The following PLXDC1 variants were observed in gnomAD, a reference collection of about 807,000 sequenced individuals.
The protein encoded by PLXDC1 is plexin domain containing 1, also known as plexin domain-containing protein 1.
PLXDC1 carries 39 observed loss-of-function variants against 61.3 expected under a neutral mutation model. That is an observed-to-expected ratio of 0.64 (90% confidence interval 0.49 to 0.83). The LOEUF (loss-of-function observed/expected upper bound fraction) is 0.83. Among genes scored for constraint, PLXDC1 ranks in the 40% least tolerant of loss-of-function variants. PLXDC1 has a pLI of 0.00. For missense variants in PLXDC1, 596 were observed against 666.5 expected (o/e 0.89, Z 1.17); for synonymous variants, 212 against 254.5 (o/e 0.83, Z 1.59).
chr17:39,118,157 CCTTT>C (rs72228511), intron 2 of PLXDC1, among the ~76,000 whole-genome samples: 11,803 of 142,480 alleles, frequency 0.083, 502 homozygotes, highest in East Asian at 0.13. Context: ...TCTCTTCCTT[CCTTT>C]CTCTTTCTTT....
At chr17:39,108,435 A>C in intron 4 of PLXDC1, 190 bp from the exon 5 acceptor site, 1 of 609,762 alleles carries the variant, frequency 1.6e-6, no homozygotes, top group Non-Finnish European at 2.9e-6. Flanking sequence ...AGATAGGAGA[A>C]GGTCCTCCCT....
intron 2 of PLXDC1, among the ~76,000 whole-genome samples, chr17:39,126,202 C>T (rs763285719): frequency 8.6e-5 from 13 of 152,014 alleles, no homozygotes; most frequent in Non-Finnish European, 1.8e-4. Flanking sequence ...TGCAATGAGC[C>T]AAGATCGCAC....
At position 39,069,919 on chromosome 17, in the gene PLXDC1, G is replaced by A. The variant is rs201593893; in HGVS notation, c.1320C>T (p.Ile440=). 19 of 1,613,732 alleles carry A rather than the reference G, an allele frequency of 1.2e-5. No homozygotes were observed. Among genetic ancestry groups the A allele is most frequent in the Non-Finnish European group, 1.5e-5 (18 of 1,179,632 alleles). ...IVLAVLLVAA[I]ILAGIYINGH... ...CATTGATGTAAATTCCAGCCAGGAT[G>A]ATGGCCGCCACGAGGAGGACTGCCA... Residue 440 remains isoleucine (I), a synonymous_variant, in exon 13 of 14, where the codon ATC becomes ATT. Coordinates refer to ENST00000315392, the MANE Select transcript of PLXDC1 (RefSeq NM_020405.5).
chr17:39,143,283 C>A (rs909339879), intron 1 of PLXDC1, among the ~76,000 whole-genome samples: 1 of 152,194 alleles, frequency 6.6e-6, no homozygotes, highest in African/African-American at 2.4e-5. Context: ...ATAGGTGGAT[C>A]TGACATTCCC....
At chr17:39,119,372 C>T (rs1463297704) in intron 2 of PLXDC1, among the ~76,000 whole-genome samples, 1 of 152,178 alleles carries the variant, frequency 6.6e-6, no homozygotes, top group Non-Finnish European at 1.5e-5. Flanking sequence ...GCAAATTACC[C>T]TGATCTGATC....
At chr17:39,081,270 T>C (rs1025505345) in intron 9 of PLXDC1, 6 of 152,464 alleles carry the variant, frequency 3.9e-5, no homozygotes, top group African/African-American at 1.4e-4. Context: ...TCCTACATAT[T>C]CTTTCTGAGG....
rs949184847 is a variant in PLXDC1 at position 39,068,164 on chromosome 17, C to T, written c.1384-205G>A. Among the ~76,000 whole-genome samples the T allele has an allele frequency of 6.6e-5, 10 of 152,190 alleles. No homozygotes were observed. Among genetic ancestry groups the T allele is most frequent in the African/African-American group, 2.4e-4 (10 of 41,446 alleles). ...ATCCCCCAACCACTGGGAAACCTGCCGAAAGCTAGAGTGTGGAAGGAGGAC... is the reference window on the plus strand; with the variant it reads ...ATCCCCCAACCACTGGGAAACCTGCTGAAAGCTAGAGTGTGGAAGGAGGAC... On this transcript the variant is annotated intron_variant, in intron 13 of 13. Transcript: ENST00000315392.
Position 39,108,235 on chromosome 17 carries a change from G to A in PLXDC1, c.480C>T (p.Phe160=), listed in dbSNP as rs932579162. 1.2e-6 allele frequency: 2 copies of A among 1,613,940 alleles called. No homozygotes were observed. The highest frequency in any genetic ancestry group is 1.7e-6 in the Non-Finnish European group (2 of 1,180,028). ...GCATCCGATGGATCACGTCCCCCAT[G>A]AAGATGAAGCCTAGGGTGGGAGAGG... ...QITIATGGFI[F]MGDVIHRMLT... The change falls in exon 5 of 14, where the codon TTC becomes TTT. Residue 160 remains phenylalanine, a synonymous_variant. Coordinates refer to ENST00000315392, the MANE Select transcript of PLXDC1 (RefSeq NM_020405.5).
chr17:39,130,854 A>G (rs931680317), intron 2 of PLXDC1, among the ~76,000 whole-genome samples: 1 of 151,986 alleles, frequency 6.6e-6, no homozygotes, highest in African/African-American at 2.4e-5. Flanking sequence ...GAGCCACCGC[A>G]CCCAGCCTAA....
intron 2 of PLXDC1, chr17:39,126,840 T>C (rs537623653): frequency 1.3e-5 from 2 of 152,258 alleles, no homozygotes; most frequent in East Asian, 3.9e-4. Context: ...CATTTATTTT[T>C]TTCTCATCAA....
intron 2 of PLXDC1, among the ~76,000 whole-genome samples, chr17:39,123,592 T>C (rs1911230563): frequency 6.6e-6 from 1 of 152,162 alleles, no homozygotes; most frequent in African/African-American, 2.4e-5. Flanking sequence ...ATTTGAGAAG[T>C]GGGAGCTATT....
At chr17:39,152,732 CTG>C, upstream of PLXDC1, 1 of 1,198,856 alleles carries the variant, frequency 8.3e-7, no homozygotes, top group Admixed American at 4.3e-5. Flanking sequence ...AGAAGGTACA[CTG>C]TGGGCTGGAA....
At chr17:39,104,973 C>T (rs1598198557) in intron 7 of PLXDC1, among the ~76,000 whole-genome samples, 1 of 152,184 alleles carries the variant, frequency 6.6e-6, no homozygotes. Flanking sequence ...CACAGAACGG[C>T]GGTACCTTGC....
intron 2 of PLXDC1, among the ~76,000 whole-genome samples, chr17:39,135,987 C>G (rs146592596): frequency 6.7e-4 from 102 of 152,306 alleles, no homozygotes; most frequent in African/African-American, 2.4e-3. Flanking sequence ...CTGAAAGGTC[C>G]TCTTTGTGCA....
intron 1 of PLXDC1, among the ~76,000 whole-genome samples, chr17:39,141,505 G>A (rs1161232789): frequency 1.3e-5 from 2 of 152,138 alleles, no homozygotes; most frequent in Admixed American, 6.6e-5. Flanking sequence ...CCATTGTGTG[G>A]ATATACCACA....
chr17:39,073,551 C>A (rs145380988), intron 11 of PLXDC1, among the ~76,000 whole-genome samples: 1 of 152,242 alleles, frequency 6.6e-6, no homozygotes, highest in Non-Finnish European at 1.5e-5. Context: ...GCCAGTCCCT[C>A]CCAGAGTGAC....
chr17:39,129,521 G>A (rs1332859727), intron 2 of PLXDC1, among the ~76,000 whole-genome samples: 2 of 151,448 alleles, frequency 1.3e-5, no homozygotes, highest in East Asian at 3.9e-4. Flanking sequence ...GGAGGCTTAG[G>A]CAGGAGAATC....
chr17:39,128,103 A>ATATATATATATATATATATATG (rs1555573177), intron 2 of PLXDC1, among the ~76,000 whole-genome samples: 2 of 84,902 alleles, frequency 2.4e-5, no homozygotes, highest in African/African-American at 1.0e-4. Context: ...ATGTGTATAT[A>ATATATATATATATATATATATG]TATATATATA....
At chr17:39,095,461 T>C (rs1004987592) in intron 7 of PLXDC1, among the ~76,000 whole-genome samples, 27 of 136,950 alleles carry the variant, frequency 2.0e-4, no homozygotes, top group Non-Finnish European at 2.1e-4. Context: ...TCCATCTCCA[T>C]GACCAACAGA....
Sources: gnomAD v4.1 joint callset for allele counts (sites outside exome capture counted in the v4.1 genomes callset) on GRCh38, gnomAD v4.1.1 for gene constraint, MANE v1.5 for transcripts, NCBI Gene and HGNC (gene_info 2026-07-23, HGNC 2026-07-21) for gene names.